NEK10: variants seen among roughly 807,000 people sequenced by gnomAD.
NEK10 encodes NIMA related kinase 10.
In NEK10, 122 loss-of-function variants were observed where a neutral mutation model predicts 159.8. The observed-to-expected ratio is 0.76, with a 90% CI of 0.66 to 0.89. The LOEUF (loss-of-function observed/expected upper bound fraction) is 0.89. NEK10 is among the 40% of genes least tolerant of loss of function. The pLI is 0.00. For missense variants in NEK10, 1,342 were observed against 1,323.1 expected (o/e 1.01, Z -0.22); for synonymous variants, 466 against 457.1 (o/e 1.02, Z -0.25).
At chr3:27,162,771 CT>C (rs756537495) in intron 29 of NEK10, 33 bp from the exon 30 acceptor site, 1 of 1,613,864 alleles carries the variant, frequency 6.2e-7, no homozygotes, top group Non-Finnish European at 8.5e-7. Flanking sequence ...TTAGAATGAC[CT>C]GTTCAACTTG....
At position 27,109,114 on chromosome 3, in the gene NEK10, C is replaced by T. The variant is rs1379466800; in HGVS notation, c.*2158G>A. 6.6e-6 allele frequency among the ~76,000 whole-genome samples: 1 copy of T among 152,200 alleles called. No individual in the cohort carries two copies. Among genetic ancestry groups the T allele is most frequent in the Non-Finnish European group, 1.5e-5 (1 of 68,040 alleles). ...CATGCAATGGCTGGGCACAGTGGCTCACGCCTCTAATCCCAGCACTTTGGG... is the reference window on the plus strand; with the variant it reads ...CATGCAATGGCTGGGCACAGTGGCTTACGCCTCTAATCCCAGCACTTTGGG... On this transcript the variant is annotated 3_prime_UTR_variant, in exon 36 of 36. Coordinates refer to ENST00000691995, the MANE Select transcript of NEK10 (RefSeq NM_001394966.1).
chr3:27,367,457 C>CA (rs1367907851), intron 1 of NEK10: 2 of 152,184 alleles, frequency 1.3e-5, no homozygotes, highest in Non-Finnish European at 2.9e-5. Flanking sequence ...AAGTAGTTTC[C>CA]AATTACTAAG....
intron 25 of NEK10, among the ~76,000 whole-genome samples, chr3:27,201,149 G>A (rs577437246): frequency 1.6e-4 from 25 of 152,224 alleles, no homozygotes; most frequent in Non-Finnish European, 2.9e-5. Context: ...TTTGTTTCAT[G>A]TGTTCTTGTC....
rs934664276 is a variant in NEK10, at chr3:27,196,928, G to C, written c.2291+4582C>G. On this transcript the variant is annotated intron_variant, in intron 25 of 35. Transcript: ENST00000691995. ...TTCATTAGCAACAAGGCATGATCCA[G>C]TGTTTGTGGAATCAAATGATTTAAA... 2.0e-5 allele frequency among the ~76,000 whole-genome samples: 3 copies of C among 152,224 alleles called. 1 individual carries two copies.
intron 5 of NEK10, among the ~76,000 whole-genome samples, chr3:27,343,609 C>T (rs2047354489): frequency 6.6e-6 from 1 of 152,156 alleles, no homozygotes; most frequent in African/African-American, 2.4e-5. Context: ...GCCTCCTTTG[C>T]ATCTGGCAGC....
intron 16 of NEK10, among the ~76,000 whole-genome samples, chr3:27,292,110 G>A (rs1347524364): frequency 6.6e-6 from 1 of 152,130 alleles, no homozygotes; most frequent in Non-Finnish European, 1.5e-5. Flanking sequence ...GGAGAAGAAA[G>A]TTCTAGAGAT....
At chr3:27,241,517 T>C (rs1179148937) in intron 23 of NEK10, among the ~76,000 whole-genome samples, 4 of 152,220 alleles carry the variant, frequency 2.6e-5, no homozygotes, top group African/African-American at 9.6e-5. Context: ...GTATAAATAC[T>C]GCTCTTTCTC....
At chr3:27,193,367 A>T (rs1428986055) in intron 25 of NEK10, among the ~76,000 whole-genome samples, 1 of 152,106 alleles carries the variant, frequency 6.6e-6, no homozygotes, top group Non-Finnish European at 1.5e-5. Flanking sequence ...ACTATTCCTA[A>T]ATCTGACTAT....
chr3:27,140,349 TTAC>T (rs1311795592), intron 31 of NEK10, among the ~76,000 whole-genome samples: 1 of 152,082 alleles, frequency 6.6e-6, no homozygotes, highest in Non-Finnish European at 1.5e-5. Flanking sequence ...CCCTGAAATA[TTAC>T]TACAAGTGCA....
intron 1 of NEK10, among the ~76,000 whole-genome samples, chr3:27,366,684 T>C (rs2049112990): frequency 6.6e-6 from 1 of 152,176 alleles, no homozygotes; most frequent in Non-Finnish European, 1.5e-5. Flanking sequence ...CAAAAGTTTG[T>C]GATCAAGTAC....
intron 19 of NEK10, 141 bp from the exon 20 acceptor site, chr3:27,287,884 C>T (rs1321514977): frequency 1.1e-6 from 1 of 951,246 alleles, no homozygotes; most frequent in Non-Finnish European, 1.4e-6. Flanking sequence ...AAGATATCAT[C>T]GAACTGAGAT....
At chr3:27,321,514 T>C (rs2045633166) in intron 6 of NEK10, among the ~76,000 whole-genome samples, 1 of 152,084 alleles carries the variant, frequency 6.6e-6, no homozygotes, top group African/African-American at 2.4e-5. Flanking sequence ...CTACTATAAA[T>C]GCAAAAATAT....
rs541591264 is a variant in NEK10, at chr3:27,292,051, C to T, written c.1374-465G>A. Among the ~76,000 whole-genome samples the T allele has an allele frequency of 9.9e-5, 15 of 151,882 alleles. No individual in the cohort carries two copies. The East Asian group carries it at 2.9e-3, about 29-fold the overall frequency. ...GGAAATAATATTCCCCAACTTATCT[C>T]GAAAAAATACACTATTTACAGTTTT... On this transcript the variant is annotated intron_variant, in intron 16 of 35. Coordinates refer to ENST00000691995, the MANE Select transcript of NEK10 (RefSeq NM_001394966.1).
At chr3:27,337,443 T>C (rs1366212975) in intron 5 of NEK10, among the ~76,000 whole-genome samples, 1 of 42,022 alleles carries the variant, frequency 2.4e-5, no homozygotes, top group Admixed American at 4.5e-4. Flanking sequence ...TTCACAGAAA[T>C]AGAAAAAAAA....
rs781050720 is a variant in NEK10 at position 27,310,940 on chromosome 3, G to A, written c.636+9C>T. 11 of 1,577,760 alleles carry A rather than the reference G, an allele frequency of 7.0e-6. No individual in the cohort carries two copies. The African/African-American group carries it at 1.3e-4, about 19-fold the overall frequency. ...AGCTGAAGCATTAACTCTTTCAGGGGCCACTCACCTTGTGGGCTCCACTTG... is the reference window on the plus strand; with the variant it reads ...AGCTGAAGCATTAACTCTTTCAGGGACCACTCACCTTGTGGGCTCCACTTG... On this transcript the variant is annotated intron_variant, in intron 9 of 35. Coordinates refer to ENST00000691995, the MANE Select transcript of NEK10 (RefSeq NM_001394966.1).
intron 25 of NEK10, among the ~76,000 whole-genome samples, chr3:27,200,871 AG>A (rs1443466083): frequency 1.3e-5 from 2 of 152,160 alleles, no homozygotes; most frequent in African/African-American, 4.8e-5. Flanking sequence ...GCAAAAGTCT[AG>A]AAGGAGGGTG....
intron 30 of NEK10, among the ~76,000 whole-genome samples, chr3:27,145,184 AT>A (rs146896968): frequency 2.6e-4 from 39 of 152,142 alleles, no homozygotes; most frequent in Non-Finnish European, 5.1e-4. Context: ...TACTGAGAAT[AT>A]TTGTATTAAA....
At chr3:27,185,637 T>C (rs1309266422) in intron 26 of NEK10, among the ~76,000 whole-genome samples, 1 of 152,248 alleles carries the variant, frequency 6.6e-6, no homozygotes. Context: ...TTCCTTGCAA[T>C]AAATATCTGA....
intron 25 of NEK10, 21 bp from the exon 26 acceptor site, chr3:27,192,263 T>C (rs1001316274): frequency 6.3e-7 from 1 of 1,579,328 alleles, no homozygotes; most frequent in African/African-American, 1.3e-5. Flanking sequence ...ATGAGATAAT[T>C]ATAACACTCT....
Sources: gnomAD v4.1 joint callset for allele counts (sites outside exome capture counted in the v4.1 genomes callset) on GRCh38, gnomAD v4.1.1 for gene constraint, MANE v1.5 for transcripts, NCBI Gene and HGNC (gene_info 2026-07-23, HGNC 2026-07-21) for gene names.